The following INTU variants were observed in gnomAD, a reference collection of about 807,000 sequenced individuals.
INTU encodes inturned planar cell polarity protein.
In INTU, 68 loss-of-function variants were observed where a neutral mutation model predicts 100.5. The ratio of observed to expected loss-of-function variants is 0.68; its 90% CI spans 0.56 to 0.83. The LOEUF is 0.83. Among genes scored for constraint, INTU ranks in the 40% least tolerant of loss-of-function variants. The pLI is 0.00. For synonymous variants in INTU, 357 were observed against 395.7 expected, an observed-to-expected ratio of 0.90 and a Z score of 1.16; for missense variants, 1,071 against 1,114.7, an observed-to-expected ratio of 0.96 and a Z score of 0.56.
At chr4:127,668,433 T>C (rs1001993830) in intron 4 of INTU, among the ~76,000 whole-genome samples, 16 of 151,948 alleles carry the variant, frequency 1.1e-4, no homozygotes, top group Non-Finnish European at 1.9e-4. Flanking sequence ...TACACAGTGT[T>C]TCTAATTTGA....
At chr4:127,659,933 A>T (rs1728402673) in intron 3 of INTU, among the ~76,000 whole-genome samples, 1 of 152,236 alleles carries the variant, frequency 6.6e-6, no homozygotes, top group Non-Finnish European at 1.5e-5. Context: ...ATACTGTGGA[A>T]AAATTAGAAA....
In INTU at chr4:127,657,287, T is replaced by C. The variant is rs546171915; in HGVS notation, c.768+566T>C. On this transcript the variant is annotated intron_variant, in intron 3 of 15. Transcript: ENST00000335251. The stretch of plus-strand genomic sequence containing the variant: ...ATTTTGATACCCTAAACATTGACAT[T>C]GTGTATCGTAGATGATGTTTTTCAG... Among the ~76,000 whole-genome samples the C allele has an allele frequency of 3.9e-5, 6 of 152,312 alleles. No individual in the cohort carries two copies. The South Asian group carries it at 1.2e-3, about 32-fold the overall frequency.
chr4:127,679,725 C>T (rs1162008836), intron 6 of INTU, among the ~76,000 whole-genome samples: 4 of 151,730 alleles, frequency 2.6e-5, no homozygotes, highest in Admixed American at 2.0e-4. Context: ...CATTCAAAAG[C>T]TAGCAGAAGG....
At chr4:127,696,382 A>G (rs961549473) in intron 8 of INTU, among the ~76,000 whole-genome samples, 2 of 152,168 alleles carry the variant, frequency 1.3e-5, no homozygotes, top group South Asian at 4.1e-4. Context: ...TTTAATAAGT[A>G]TAGACCAATT....
chr4:127,708,538 A>G, intron 12 of INTU, 33 bp from the exon 13 acceptor site: 1 of 1,102,200 alleles, frequency 9.1e-7, no homozygotes, highest in Middle Eastern at 2.4e-4. Flanking sequence ...CCATTCTTAG[A>G]TATAAACTGA....
In INTU at chr4:127,665,467, C is replaced by A. The variant is rs149572882; in HGVS notation, c.972+1883C>A. 6.1e-3 allele frequency among the ~76,000 whole-genome samples: 920 copies of A among 151,906 alleles called. 9 individuals are homozygous for A. The highest frequency in any genetic ancestry group is 0.017 in the Middle Eastern group (5 of 292). On this transcript the variant is annotated intron_variant, in intron 4 of 15. Transcript: ENST00000335251. Reference sequence around the variant, plus strand: ...AGTGAAAGTGTGTGGGTGATCAATTCTTTTTGTTGTTATTTATCTGATGAT... The same window carrying A: ...AGTGAAAGTGTGTGGGTGATCAATTATTTTTGTTGTTATTTATCTGATGAT...
At chr4:127,649,424 C>G (rs1426868095) in intron 2 of INTU, among the ~76,000 whole-genome samples, 1 of 152,068 alleles carries the variant, frequency 6.6e-6, no homozygotes, top group Non-Finnish European at 1.5e-5. Flanking sequence ...ACATGAGACT[C>G]ATGAAGAATT....
chr4:127,706,393 C>T (rs1730878620), intron 11 of INTU, 94 bp from the exon 12 acceptor site: 1 of 1,064,594 alleles, frequency 9.4e-7, no homozygotes, highest in Non-Finnish European at 1.3e-6. Context: ...CCATAGGCCT[C>T]TATGTCTTCG....
chr4:127,648,775 T>C (rs1437605224), intron 2 of INTU, among the ~76,000 whole-genome samples: 1 of 152,156 alleles, frequency 6.6e-6, no homozygotes. Context: ...GATATAGTAC[T>C]TTTGTTTAAT....
At chr4:127,713,378 A>C (rs762840332) in intron 14 of INTU, among the ~76,000 whole-genome samples, 4 of 152,222 alleles carry the variant, frequency 2.6e-5, no homozygotes, top group Non-Finnish European at 5.9e-5. Flanking sequence ...TTTGCCCTGA[A>C]ACTTATAAGA....
At position 127,655,871 on chromosome 4, in the gene INTU, C is replaced by G. The variant is rs560183122; in HGVS notation, c.683-765C>G. On this transcript the variant is annotated intron_variant, in intron 2 of 15. Transcript: ENST00000335251. ...CTCAGACTGCTGTGCTAGCAATCAG[C>G]GAGACTCCGTGGGCGTAGGACCCTC... 4.4e-3 allele frequency among the ~76,000 whole-genome samples: 642 copies of G among 144,822 alleles called. 3 individuals are homozygous for G. The highest frequency in any genetic ancestry group is 0.015 in the African/African-American group (601 of 39,572).
At chr4:127,671,740 A>C (rs1728936691) in intron 5 of INTU, among the ~76,000 whole-genome samples, 1 of 152,130 alleles carries the variant, frequency 6.6e-6, no homozygotes, top group African/African-American at 2.4e-5. Context: ...GACTGGATAA[A>C]GAAAATGTGG....
At chr4:127,681,333 C>A (rs1323109096) in intron 6 of INTU, among the ~76,000 whole-genome samples, 1 of 150,202 alleles carries the variant, frequency 6.7e-6, no homozygotes, top group African/African-American at 2.5e-5. Context: ...GGAGGCATCA[C>A]CCTACCTGAC....
At position 127,705,893 on chromosome 4, in the gene INTU, A is replaced by G. The variant is rs568357732; in HGVS notation, c.1788+81A>G. ...CTTTTCGGCAGGGGTTGAGGGATGC[A>G]GCGGTAGGTAGGTATCTATTGACTG... On this transcript the variant is annotated intron_variant, in intron 11 of 15. Transcript: ENST00000335251. 2.9e-6 allele frequency: 3 copies of G among 1,025,910 alleles called. No homozygotes were observed. The South Asian group carries it at 4.4e-5, about 15-fold the overall frequency. The allele number at this position is 1,025,910 out of a possible 1,614,324, so 63.6% of individuals were successfully genotyped here.
Position 127,643,822 on chromosome 4 carries a change from A to G in INTU, c.448A>G (p.Thr150Ala). Residue 150 changes from threonine (T) to alanine (A), a missense_variant, in exon 2 of 16, where the codon ACA becomes GCA. Transcript: ENST00000335251. Reference sequence around the variant, plus strand: ...TCTAAAGCATCAGTCCAATCAGAAGACAGGAGTCATTGTCCAACAGCGATA... The same window carrying G: ...TCTAAAGCATCAGTCCAATCAGAAGGCAGGAGTCATTGTCCAACAGCGATA... ...SILKHQSNQK[T>A]GVIVQQRYKD... 6.2e-7 allele frequency: 1 copy of G among 1,614,130 alleles called. No homozygotes were observed. The highest frequency in any genetic ancestry group is 8.5e-7 in the Non-Finnish European group (1 of 1,180,008).
chr4:127,691,980 A>ATATATATATATATATGTGTGTGTG (rs971919620), intron 8 of INTU, among the ~76,000 whole-genome samples: 1 of 143,360 alleles, frequency 7.0e-6, no homozygotes, highest in African/African-American at 2.6e-5. Context: ...ATATATATAT[A>ATATATATATATATATGTGTGTGTG]TGTCACATTT....
chr4:127,678,227 T>C (rs566050412), intron 6 of INTU, among the ~76,000 whole-genome samples: 74 of 152,104 alleles, frequency 4.9e-4, no homozygotes, highest in African/African-American at 1.6e-3. Flanking sequence ...CAGGCCAACA[T>C]TCAGATTCAG....
chr4:127,668,787 T>C (rs1728801481), intron 4 of INTU, among the ~76,000 whole-genome samples: 1 of 151,892 alleles, frequency 6.6e-6, no homozygotes, highest in South Asian at 2.1e-4. Flanking sequence ...ATCAGTATCC[T>C]ACTTAGTATA....
intron 6 of INTU, among the ~76,000 whole-genome samples, chr4:127,674,703 T>A (rs1399912166): frequency 2.0e-5 from 3 of 152,210 alleles, no homozygotes; most frequent in Non-Finnish European, 4.4e-5. Flanking sequence ...TTTTTGTGAG[T>A]ATTTTGAAGT....
Sources: gnomAD v4.1 joint callset for allele counts (sites outside exome capture counted in the v4.1 genomes callset) on GRCh38, gnomAD v4.1.1 for gene constraint, MANE v1.5 for transcripts, NCBI Gene and HGNC (gene_info 2026-07-23, HGNC 2026-07-21) for gene names.